The following GRID2 variants were observed in gnomAD, a reference collection of about 807,000 sequenced individuals.
The protein encoded by GRID2 is glutamate receptor ionotropic, delta-2.
A neutral mutation model predicts 114.8 loss-of-function variants in GRID2; 33 were observed. That is an observed-to-expected ratio of 0.29 (90% CI 0.22 to 0.38). GRID2 has a LOEUF of 0.38. GRID2 is among the 10% of genes least tolerant of loss of function. The probability of loss-of-function intolerance (pLI) is 1.00; values close to 1 mark genes in which losing one functional copy is unlikely to be tolerated. For missense variants in GRID2, 1,184 were observed against 1,257.7 expected, an observed-to-expected ratio of 0.94 and a Z score of 0.89; for synonymous variants, 505 against 449.9, an observed-to-expected ratio of 1.12 and a Z score of -1.55.
At chr4:92,388,778 C>T (rs1730102238) in intron 1 of GRID2, among the ~76,000 whole-genome samples, 1 of 152,002 alleles carries the variant, frequency 6.6e-6, no homozygotes, top group Non-Finnish European at 1.5e-5. Flanking sequence ...ACTTGACCCT[C>T]AGTCCTAATA....
intron 1 of GRID2, among the ~76,000 whole-genome samples, chr4:92,454,708 C>T (rs1342036625): frequency 2.0e-5 from 3 of 152,128 alleles, no homozygotes; most frequent in African/African-American, 7.2e-5. Context: ...TGTTGGCAGG[C>T]GCCTGTAGTC....
intron 8 of GRID2, among the ~76,000 whole-genome samples, chr4:93,322,498 A>C (rs1757343378): frequency 6.6e-6 from 1 of 152,114 alleles, no homozygotes; most frequent in Non-Finnish European, 1.5e-5. Flanking sequence ...ACAGTGCCGC[A>C]ATAGACATAC....
chr4:93,217,592 T>G (rs1266385886), intron 6 of GRID2, among the ~76,000 whole-genome samples: 1 of 151,854 alleles, frequency 6.6e-6, no homozygotes, highest in African/African-American at 2.4e-5. Context: ...GATCTCAATA[T>G]GTCAATCTGA....
At chr4:92,750,923 TATCA>T (rs750366735) in intron 2 of GRID2, among the ~76,000 whole-genome samples, 2 of 152,220 alleles carry the variant, frequency 1.3e-5, no homozygotes, top group African/African-American at 2.4e-5. Context: ...CTTCATATTG[TATCA>T]ATCAAATATA....
intron 10 of GRID2, among the ~76,000 whole-genome samples, chr4:93,438,432 A>T (rs1721311244): frequency 6.6e-6 from 1 of 152,134 alleles, no homozygotes; most frequent in Non-Finnish European, 1.5e-5. Flanking sequence ...TGCCTTGATA[A>T]ATAGTTTGCA....
chr4:92,720,551 A>ATAAG (rs1381727427), intron 2 of GRID2, among the ~76,000 whole-genome samples: 12 of 151,912 alleles, frequency 7.9e-5, no homozygotes, highest in Non-Finnish European at 1.8e-4. Context: ...AAATAAATAA[A>ATAAG]TAATAAAACT....
intron 10 of GRID2, among the ~76,000 whole-genome samples, chr4:93,430,610 A>G (rs1429657944): frequency 6.6e-6 from 1 of 152,268 alleles, no homozygotes; most frequent in Non-Finnish European, 1.5e-5. Flanking sequence ...GATGGTCTCT[A>G]TGTGCTATGC....
At chr4:92,696,926 T>C (rs886569451) in intron 2 of GRID2, among the ~76,000 whole-genome samples, 1 of 152,122 alleles carries the variant, frequency 6.6e-6, no homozygotes, top group Non-Finnish European at 1.5e-5. Flanking sequence ...CTTCTAAACA[T>C]GAACAAGGAA....
intron 12 of GRID2, among the ~76,000 whole-genome samples, chr4:93,512,242 T>C (rs1164749110): frequency 6.6e-6 from 1 of 152,258 alleles, no homozygotes; most frequent in Non-Finnish European, 1.5e-5. Flanking sequence ...GTCTAAATAT[T>C]ATACACTCAG....
chr4:93,251,595 A>G (rs1748938466), intron 8 of GRID2, among the ~76,000 whole-genome samples: 1 of 152,082 alleles, frequency 6.6e-6, no homozygotes, highest in Admixed American at 6.6e-5. Flanking sequence ...TGTACAGATT[A>G]TTTTATCACT....
intron 2 of GRID2, among the ~76,000 whole-genome samples, chr4:92,600,788 C>G (rs577708613): frequency 1.4e-4 from 22 of 152,190 alleles, no homozygotes; most frequent in African/African-American, 5.1e-4. Context: ...AGAGGGAAAC[C>G]GACCTGATGC....
chr4:92,421,074 A>C (rs1214895718), intron 1 of GRID2, among the ~76,000 whole-genome samples: 2 of 152,008 alleles, frequency 1.3e-5, no homozygotes, highest in Non-Finnish European at 2.9e-5. Context: ...TGTTTTTTTC[A>C]GTTCCATCAT....
intron 2 of GRID2, among the ~76,000 whole-genome samples, chr4:92,899,153 G>A (rs930234987): frequency 3.9e-5 from 6 of 151,926 alleles, no homozygotes; most frequent in Non-Finnish European, 5.9e-5. Flanking sequence ...GGTCAAACAC[G>A]TTAATTTTAA....
At chr4:93,499,560 C>A (rs1160549783) in intron 12 of GRID2, among the ~76,000 whole-genome samples, 1 of 151,842 alleles carries the variant, frequency 6.6e-6, no homozygotes, top group Non-Finnish European at 1.5e-5. Context: ...GCTCTTCTCT[C>A]TCCCTGAAAT....
intron 13 of GRID2, among the ~76,000 whole-genome samples, chr4:93,592,523 T>C (rs1738490588): frequency 6.6e-6 from 1 of 152,100 alleles, no homozygotes; most frequent in South Asian, 2.1e-4. Flanking sequence ...CTGAAAAAAA[T>C]GTATATTCTG....
intron 1 of GRID2, among the ~76,000 whole-genome samples, chr4:92,527,797 C>A (rs947814928): frequency 6.6e-6 from 1 of 151,958 alleles, no homozygotes; most frequent in Non-Finnish European, 1.5e-5. Flanking sequence ...TTTATAAAGC[C>A]AACCTGCAAC....
chr4:92,332,466 C>T (rs987363616), intron 1 of GRID2, among the ~76,000 whole-genome samples: 2 of 152,120 alleles, frequency 1.3e-5, no homozygotes, highest in Non-Finnish European at 2.9e-5. Context: ...GGAACACATT[C>T]AAACCACGGC....
At chr4:93,204,306 T>C (rs1221613540) in intron 4 of GRID2, among the ~76,000 whole-genome samples, 1 of 152,074 alleles carries the variant, frequency 6.6e-6, no homozygotes, top group Non-Finnish European at 1.5e-5. Flanking sequence ...GACTCTTTCT[T>C]AAAAATGCAC....
At chr4:93,000,995 TAAATA>T (rs940672193) in intron 2 of GRID2, among the ~76,000 whole-genome samples, 4 of 151,488 alleles carry the variant, frequency 2.6e-5, no homozygotes, top group African/African-American at 7.3e-5. Context: ...AATAAGTAGA[TAAATA>T]AAATAAATAG....
Sources: gnomAD v4.1 joint callset for allele counts (sites outside exome capture counted in the v4.1 genomes callset) on GRCh38, gnomAD v4.1.1 for gene constraint, MANE v1.5 for transcripts, NCBI Gene and HGNC (gene_info 2026-07-23, HGNC 2026-07-21) for gene names.